GRID2: variants seen among roughly 807,000 people sequenced by gnomAD.
GRID2 encodes glutamate ionotropic receptor delta type subunit 2, also known as glutamate receptor ionotropic, delta-2.
A neutral mutation model predicts 114.8 loss-of-function variants in GRID2; 33 were observed. That is an observed-to-expected ratio of 0.29 (90% CI 0.22 to 0.38). GRID2 has a LOEUF of 0.38. Ranked by LOEUF, GRID2 falls within the 10% of genes least tolerant of loss-of-function variation. The pLI is 1.00. For synonymous variants in GRID2, 505 were observed against 449.9 expected, an observed-to-expected ratio of 1.12 and a Z score of -1.55; for missense variants, 1,184 against 1,257.7, an observed-to-expected ratio of 0.94 and a Z score of 0.89.
chr4:92,762,926 T>C (rs1304763246), intron 2 of GRID2, among the ~76,000 whole-genome samples: 1 of 152,218 alleles, frequency 6.6e-6, no homozygotes, highest in Non-Finnish European at 1.5e-5. Context: ...CCATGTCTTC[T>C]TCAGACACAG....
At chr4:93,112,693 A>G (rs1254252997) in intron 4 of GRID2, among the ~76,000 whole-genome samples, 1 of 152,186 alleles carries the variant, frequency 6.6e-6, no homozygotes, top group Non-Finnish European at 1.5e-5. Context: ...AACAACAGAA[A>G]GTTTGCATCT....
At chr4:92,414,605 G>A (rs528601992) in intron 1 of GRID2, among the ~76,000 whole-genome samples, 258 of 152,232 alleles carry the variant, frequency 1.7e-3, no homozygotes, top group Non-Finnish European at 3.1e-3. Flanking sequence ...AGCTATCCTA[G>A]TAAATGGTAC....
intron 1 of GRID2, among the ~76,000 whole-genome samples, chr4:92,531,245 T>C (rs915719208): frequency 6.6e-6 from 1 of 152,142 alleles, no homozygotes; most frequent in Non-Finnish European, 1.5e-5. Context: ...TTTGAAAATA[T>C]GCATAATTAG....
rs1391951977 is a variant in GRID2, at chr4:93,772,830, A to T, written c.*332A>T. The T allele has an allele frequency of 4.4e-6, 1 of 226,740 alleles. No individual in the cohort carries two copies. Among genetic ancestry groups the T allele is most frequent in the Non-Finnish European group, 8.5e-6 (1 of 117,218 alleles). 14.0% of individuals were successfully genotyped at this position (226,740 alleles called of 1,614,324 possible). On this transcript the variant is annotated 3_prime_UTR_variant, in exon 16 of 16. Transcript: ENST00000282020. Reference sequence around the variant, plus strand: ...CACTGAGTATACTAAAAGTATATGCAGGATTAATTTTACATAAAGGCCTCT... The same window carrying T: ...CACTGAGTATACTAAAAGTATATGCTGGATTAATTTTACATAAAGGCCTCT...
chr4:93,808,474 CA>C (rs1735073852), exon 2 of GRID2: 1 of 152,166 alleles, frequency 6.6e-6, no homozygotes, highest in African/African-American at 2.4e-5. Context: ...CTACGTAATA[CA>C]ATACTATAAT....
chr4:93,260,878 C>A (rs749880677), intron 8 of GRID2, among the ~76,000 whole-genome samples: 1 of 151,934 alleles, frequency 6.6e-6, no homozygotes, highest in East Asian at 1.9e-4. Flanking sequence ...ATCTTTATTA[C>A]ATTCAATGGT....
At chr4:92,687,625 C>G (rs1398664653) in intron 2 of GRID2, among the ~76,000 whole-genome samples, 2 of 152,128 alleles carry the variant, frequency 1.3e-5, no homozygotes, top group South Asian at 2.1e-4. Context: ...GTGAGGAGAT[C>G]GAGACCATCC....
chr4:92,745,024 G>T (rs558598352), intron 2 of GRID2, among the ~76,000 whole-genome samples: 37 of 152,238 alleles, frequency 2.4e-4, no homozygotes, highest in African/African-American at 7.9e-4. Flanking sequence ...TAAATGAGAA[G>T]ATTCTAGCAC....
chr4:92,311,701 T>C (rs1725715924), intron 1 of GRID2, among the ~76,000 whole-genome samples: 1 of 152,112 alleles, frequency 6.6e-6, no homozygotes, highest in Non-Finnish European at 1.5e-5. Flanking sequence ...ATTATAATTC[T>C]AGAAGTTAAT....
intron 14 of GRID2, among the ~76,000 whole-genome samples, chr4:93,644,695 C>T (rs552014348): frequency 6.6e-6 from 1 of 152,228 alleles, no homozygotes; most frequent in South Asian, 2.1e-4. Flanking sequence ...AAACAAATTA[C>T]TTCTTAACCA....
chr4:93,089,602 T>C (rs1367147361), intron 3 of GRID2, among the ~76,000 whole-genome samples: 4 of 152,166 alleles, frequency 2.6e-5, no homozygotes, highest in African/African-American at 9.6e-5. Flanking sequence ...CAATAACTGT[T>C]CTTTTTTCTT....
intron 11 of GRID2, among the ~76,000 whole-genome samples, chr4:93,460,790 CAAAT>C (rs1029191047): frequency 6.6e-6 from 1 of 152,078 alleles, no homozygotes; most frequent in Admixed American, 6.6e-5. Flanking sequence ...ATTATAGTCT[CAAAT>C]AAAACACTAA....
At chr4:92,678,835 A>G (rs915268177) in intron 2 of GRID2, among the ~76,000 whole-genome samples, 9 of 152,034 alleles carry the variant, frequency 5.9e-5, no homozygotes, top group Non-Finnish European at 1.2e-4. Context: ...AATGCACTAC[A>G]AAGTGTGTAT....
chr4:93,084,981 G>A lies in GRID2; in HGVS notation c.245-14G>A. ...ACCCACTGACATTTTGAATATTACT[G>A]TGCTTTCTTGCAGCCTGTGAACTTA... On this transcript the variant is annotated splice_polypyrimidine_tract_variant and intron_variant, in intron 2 of 15. Transcript: ENST00000282020. 2.5e-6 allele frequency: 4 copies of A among 1,609,564 alleles called. No homozygotes were observed. The South Asian group carries it at 4.4e-5, about 18-fold the overall frequency.
intron 8 of GRID2, among the ~76,000 whole-genome samples, chr4:93,359,951 T>C (rs1239206721): frequency 6.8e-6 from 1 of 148,046 alleles, no homozygotes; most frequent in East Asian, 2.0e-4. Context: ...ACTTCTTTTA[T>C]ATTCTCTGCA....
chr4:93,345,143 C>T (rs955172393), intron 8 of GRID2, among the ~76,000 whole-genome samples: 1 of 151,920 alleles, frequency 6.6e-6, no homozygotes, highest in Non-Finnish European at 1.5e-5. Flanking sequence ...CTTTAACATA[C>T]TGATTTTATT....
intron 11 of GRID2, among the ~76,000 whole-genome samples, chr4:93,463,756 A>G (rs967011603): frequency 5.9e-5 from 9 of 152,092 alleles, no homozygotes; most frequent in East Asian, 5.9e-4. Context: ...TTGGGAGGCC[A>G]AGGTGGGTGG....
At chr4:93,216,280 G>A (rs1166329636) in intron 5 of GRID2, among the ~76,000 whole-genome samples, 2 of 151,948 alleles carry the variant, frequency 1.3e-5, no homozygotes, top group Admixed American at 1.3e-4. Context: ...GCATGTGTGT[G>A]TGTGTATGTG....
Position 92,972,877 on chromosome 4 carries a change from T to C in GRID2, c.245-112118T>C, listed in dbSNP as rs142434149. ...GCAATATTTGGTTTTGCTGTTCCTG[T>C]GTTAGTTGGCTAAGATAATGACCTC... On this transcript the variant is annotated intron_variant, in intron 2 of 15. Transcript: ENST00000282020. Among the ~76,000 whole-genome samples the C allele has an allele frequency of 8.6e-4, 131 of 152,172 alleles. 1 individual carries two copies. Among genetic ancestry groups the C allele is most frequent in the African/African-American group, 3.0e-3 (124 of 41,534 alleles).
Sources: allele counts gnomAD v4.1 joint callset (sites outside exome capture counted in the v4.1 genomes callset), GRCh38; gene constraint gnomAD v4.1.1; transcripts MANE v1.5; gene names NCBI Gene and HGNC (gene_info 2026-07-23, HGNC 2026-07-21).